Variants in GFRA2 observed in about 807,000 individuals in gnomAD.
GFRA2 encodes GDNF family receptor alpha 2.
GFRA2 carries 17 observed loss-of-function variants against 48.3 expected under a neutral mutation model. The ratio of observed to expected loss-of-function variants is 0.35; its 90% CI spans 0.24 to 0.53. The LOEUF is 0.53. Among genes scored for constraint, GFRA2 ranks in the 20% least tolerant of loss-of-function variants. GFRA2 has a pLI of 0.93. For missense variants in GFRA2, 660 were observed against 637.3 expected (o/e 1.04, Z -0.38); for synonymous variants, 305 against 257.2 (o/e 1.19, Z -1.78).
At position 21,750,754 on chromosome 8, in the gene GFRA2, G is replaced by A. The variant is rs1451616352; in HGVS notation, c.628C>T (p.Arg210Trp). ...CGGTAGGTGTACTCGCTGGGCACCCGGTCGAAGAACTGGCGCAGGGCCTTG... is the reference window on the plus strand; with the variant it reads ...CGGTAGGTGTACTCGCTGGGCACCCAGTCGAAGAACTGGCGCAGGGCCTTG... ...CHKALRQFFD[R>W]VPSEYTYRML... is the part of the protein sequence containing the mutation. The change falls in exon 4 of 9, where the codon CGG becomes TGG. Residue 210 changes from arginine (R) to tryptophan (W), a missense_variant. Coordinates refer to ENST00000524240, the MANE Select transcript of GFRA2 (RefSeq NM_001495.5). The surrounding 1 kb of genome is among the most constrained non-coding windows in gnomAD (Gnocchi z 5.7). 13 of 1,613,896 alleles carry A rather than the reference G, an allele frequency of 8.1e-6. No individual in the cohort carries two copies. Among genetic ancestry groups the A allele is most frequent in the African/African-American group, 1.3e-5 (1 of 74,956 alleles).
chr8:21,698,410 A>T (rs1386327523), intron 7 of GFRA2, among the ~76,000 whole-genome samples: 1 of 152,180 alleles, frequency 6.6e-6, no homozygotes, highest in Non-Finnish European at 1.5e-5. Flanking sequence ...GGAAGCGAGA[A>T]GGAAATCATT....
chr8:21,769,200 T>C (rs1806323574), intron 3 of GFRA2: 1 of 984,206 alleles, frequency 1.0e-6, no homozygotes, highest in South Asian at 4.7e-5. Flanking sequence ...AGAGCACTCA[T>C]TATTTACTGA....
intron 4 of GFRA2, among the ~76,000 whole-genome samples, chr8:21,731,634 C>G (rs1804199684): frequency 6.6e-6 from 1 of 152,026 alleles, no homozygotes; most frequent in South Asian, 2.1e-4. Flanking sequence ...CTTTGTGCGC[C>G]CCCATTAAAG....
At chr8:21,759,958 G>A (rs1341503416) in intron 3 of GFRA2, among the ~76,000 whole-genome samples, 1 of 151,522 alleles carries the variant, frequency 6.6e-6, no homozygotes, top group Admixed American at 6.6e-5. Context: ...ACATCAAGTT[G>A]AGGTAGAATG....
intron 3 of GFRA2, among the ~76,000 whole-genome samples, chr8:21,774,540 C>T (rs941578325): frequency 2.6e-5 from 4 of 152,212 alleles, no homozygotes; most frequent in Non-Finnish European, 4.4e-5. Flanking sequence ...CCCACTGACC[C>T]ACTTAGACCT....
At chr8:21,730,998 G>A (rs904572238) in intron 4 of GFRA2, among the ~76,000 whole-genome samples, 8 of 152,070 alleles carry the variant, frequency 5.3e-5, no homozygotes, top group African/African-American at 9.7e-5. Flanking sequence ...TTCTGGCCCC[G>A]GGCTCCTTCC....
chr8:21,712,600 G>A (rs1265155934), intron 4 of GFRA2, among the ~76,000 whole-genome samples: 25 of 149,268 alleles, frequency 1.7e-4, no homozygotes, highest in African/African-American at 4.1e-4. Context: ...CTTCCCAGAC[G>A]GGGTGGCGGC....
In GFRA2 at chr8:21,788,600, G is replaced by A; in HGVS notation, c.-441C>T. ...AAGGAAGCGGCGAGGGAGGGGGTCG[G>A]AATAAAATGCAAATAGAAAAGAAAT... On this transcript the variant is annotated 5_prime_UTR_variant, in exon 1 of 9. Coordinates refer to ENST00000524240, the MANE Select transcript of GFRA2 (RefSeq NM_001495.5). The A allele has an allele frequency of 1.0e-6, 1 of 993,952 alleles. No homozygotes were observed. The highest frequency in any genetic ancestry group is 1.2e-6 in the Non-Finnish European group (1 of 835,966). 61.6% of individuals were successfully genotyped at this position (993,952 alleles called of 1,614,324 possible). A position where few individuals can be genotyped will look rare whatever the true frequency, so the allele number is the denominator to read the frequency against.
chr8:21,776,857 C>G (rs1806731853), intron 2 of GFRA2, among the ~76,000 whole-genome samples: 1 of 152,134 alleles, frequency 6.6e-6, no homozygotes, highest in African/African-American at 2.4e-5. Context: ...TCTCAATGTC[C>G]TCCACCCCAC....
intron 4 of GFRA2, among the ~76,000 whole-genome samples, chr8:21,720,514 T>A (rs1187299045): frequency 6.6e-6 from 1 of 152,224 alleles, no homozygotes; most frequent in African/African-American, 2.4e-5. Flanking sequence ...GAGAAGTCCC[T>A]GGGCTTCCAC....
intron 4 of GFRA2, among the ~76,000 whole-genome samples, chr8:21,741,034 T>G (rs1327606221): frequency 1.3e-5 from 2 of 152,224 alleles, no homozygotes; most frequent in African/African-American, 4.8e-5. Flanking sequence ...CCCTGGCCTC[T>G]CTGCAGTCGT....
chr8:21,751,697 G>C (rs956903873), intron 3 of GFRA2, among the ~76,000 whole-genome samples: 2 of 152,214 alleles, frequency 1.3e-5, no homozygotes, highest in African/African-American at 2.4e-5. Context: ...AGGACTTGGG[G>C]TGAGGAGGTA....
At chr8:21,739,707 C>T (rs749076889) in intron 4 of GFRA2, among the ~76,000 whole-genome samples, 10 of 151,954 alleles carry the variant, frequency 6.6e-5, no homozygotes, top group Non-Finnish European at 1.0e-4. Context: ...AAGGCTGCCA[C>T]GGGAAAGGCC....
In GFRA2 at chr8:21,693,061, C is replaced by A. The variant is rs1333185310; in HGVS notation, c.*217G>T. On this transcript the variant is annotated 3_prime_UTR_variant, in exon 9 of 9. Coordinates refer to ENST00000524240, the MANE Select transcript of GFRA2 (RefSeq NM_001495.5). The stretch of plus-strand genomic sequence containing the variant: ...ACCAGAGTTTCCCCTGCCAGGGGAC[C>A]CCTGGGCCAGCTCTCAGGCTGCCTG... 5.1e-6 allele frequency: 2 copies of A among 395,140 alleles called. No homozygotes were observed. Among genetic ancestry groups the A allele is most frequent in the East Asian group, 9.2e-5 (2 of 21,630 alleles). 24.5% of individuals were successfully genotyped at this position (395,140 alleles called of 1,614,324 possible). A position where few individuals can be genotyped will look rare whatever the true frequency, so the allele number is the denominator to read the frequency against.
rs1408137828 is a variant in GFRA2 at position 21,692,508 on chromosome 8, TTCTC to T, written c.*766_*769del. 2 of 150,558 alleles carry T rather than the reference TTCTC, an allele frequency of 1.3e-5. No individual in the cohort carries two copies. The highest frequency in any genetic ancestry group is 4.9e-5 in the African/African-American group (2 of 40,810). The allele number at this position is 150,558 out of a possible 1,614,324, so 9.3% of individuals were successfully genotyped here. A position where few individuals can be genotyped will look rare whatever the true frequency, so the allele number is the denominator to read the frequency against. On this transcript the variant is annotated 3_prime_UTR_variant, in exon 9 of 9. Transcript: ENST00000524240. ...AGCAAAGAAGCCAACAAAGGACCGT[TTCTC>T]TCTGACTTCAAAATTTCTGCCACCG...
intron 4 of GFRA2, among the ~76,000 whole-genome samples, chr8:21,740,350 T>C (rs999545264): frequency 6.6e-6 from 1 of 152,240 alleles, no homozygotes; most frequent in Non-Finnish European, 1.5e-5. Flanking sequence ...CAGAAAGCTC[T>C]AACCAACCAA....
upstream of GFRA2, among the ~76,000 whole-genome samples, chr8:21,790,717 G>A (rs1807554186): frequency 6.6e-6 from 1 of 152,192 alleles, no homozygotes; most frequent in Non-Finnish European, 1.5e-5. Flanking sequence ...GAGGGCTTAG[G>A]GATTGGAGTT....
Position 21,804,225 on chromosome 8 carries a change from C to CAT in GFRA2, c.-36+791_-36+792insAT, listed in dbSNP as rs1271611770. ...GCACACACACACACACACACACACA[C>CAT]ACACATGCATACACACAATTTACAG... On this transcript the variant is annotated intron_variant, in intron 2 of 10. Transcript: ENST00000517328. Among the ~76,000 whole-genome samples the CAT allele has an allele frequency of 1.7e-3, 254 of 151,462 alleles. 8 individuals are homozygous for CAT. Among genetic ancestry groups the CAT allele is most frequent in the African/African-American group, 2.6e-3 (107 of 41,218 alleles).
At chr8:21,752,144 C>G (rs925941771) in intron 3 of GFRA2, among the ~76,000 whole-genome samples, 1 of 152,094 alleles carries the variant, frequency 6.6e-6, no homozygotes, top group Non-Finnish European at 1.5e-5. Flanking sequence ...TCTTCTAGAC[C>G]ATTCCCATCA....
Sources: allele counts gnomAD v4.1 joint callset (sites outside exome capture counted in the v4.1 genomes callset), GRCh38; gene constraint gnomAD v4.1.1; non-coding constraint Gnocchi (gnomAD v3.1); transcripts MANE v1.5; gene names NCBI Gene and HGNC (gene_info 2026-07-23, HGNC 2026-07-21).